The following RUNX1 variants were observed in gnomAD, a reference collection of about 807,000 sequenced individuals.
RUNX1 encodes runt-related transcription factor 1.
RUNX1 carries 19 observed loss-of-function variants against 42.8 expected under a neutral mutation model. The observed-to-expected ratio is 0.44, with a 90% confidence interval of 0.31 to 0.65. The LOEUF (loss-of-function observed/expected upper bound fraction) is 0.65, where lower values mean the gene tolerates loss of function less well. Among genes scored for constraint, RUNX1 ranks in the 30% least tolerant of loss-of-function variants. The pLI, the probability that RUNX1 is intolerant of heterozygous loss-of-function variation, is 0.07. For missense variants in RUNX1, 528 were observed against 672.0 expected, an observed-to-expected ratio of 0.79 and a Z score of 2.37; for synonymous variants, 271 against 289.4, an observed-to-expected ratio of 0.94 and a Z score of 0.64.
At chr21:34,845,058 C>T (rs2057296770) in intron 6 of RUNX1, among the ~76,000 whole-genome samples, 2 of 152,242 alleles carry the variant, frequency 1.3e-5, no homozygotes, top group African/African-American at 4.8e-5. Context: ...CTGTTGTCCA[C>T]GTGCCAGAAG....
At chr21:34,945,355 G>C (rs1265856954) in intron 2 of RUNX1, among the ~76,000 whole-genome samples, 1 of 152,176 alleles carries the variant, frequency 6.6e-6, no homozygotes, top group African/African-American at 2.4e-5. Context: ...TGCCCAATGA[G>C]TGGAACCCAC....
chr21:35,039,217 G>A lies in RUNX1; in HGVS notation c.58+9625C>T, dbSNP rs140518124. Among the ~76,000 whole-genome samples, 679 of 152,276 alleles carry A rather than the reference G, an allele frequency of 4.5e-3. 15 individuals are homozygous for A. Among genetic ancestry groups the A allele is most frequent in the Admixed American group, 0.034 (521 of 15,302 alleles). ...ATTAGGAGAAGTGTCTGCTAGTTAT[G>A]TGCATGCTTGAATGGAATCCACCTC... On this transcript the variant is annotated intron_variant, in intron 2 of 8. Transcript: ENST00000675419.
chr21:34,844,150 T>C (rs1340202868), intron 6 of RUNX1, among the ~76,000 whole-genome samples: 1 of 152,158 alleles, frequency 6.6e-6, no homozygotes, highest in African/African-American at 2.4e-5. Flanking sequence ...ATGGATTTGT[T>C]GATCAGAGTA....
At chr21:34,950,286 T>G (rs2058596950) in intron 2 of RUNX1, among the ~76,000 whole-genome samples, 1 of 152,200 alleles carries the variant, frequency 6.6e-6, no homozygotes, top group South Asian at 2.1e-4. Context: ...AATATTTTAT[T>G]TTTCAAATTA....
intron 2 of RUNX1, among the ~76,000 whole-genome samples, chr21:34,995,095 C>T (rs2058983450): frequency 6.6e-6 from 1 of 152,194 alleles, no homozygotes; most frequent in African/African-American, 2.4e-5. Flanking sequence ...GCAATGGATG[C>T]CAAGCAGGCT....
chr21:34,926,485 AGACAGCACATATTTATTATTGACT>A lies in RUNX1; in HGVS notation c.59-33546_59-33523del, dbSNP rs534371522. On this transcript the variant is annotated intron_variant, in intron 2 of 8. Transcript: ENST00000675419. ...TCAAAAAAAAAAAAAAAAAAAAAAA[AGACAGCACATATTTATTATTGACT>A]AAATCTGTCAGCATTTTGATCTACA... is the stretch of plus-strand genomic sequence containing the variant. 2.7e-3 allele frequency among the ~76,000 whole-genome samples: 339 copies of A among 124,568 alleles called. 103 individuals carry two copies. The highest frequency in any genetic ancestry group is 4.0e-3 in the Non-Finnish European group (230 of 57,042). 81.7% of individuals were successfully genotyped at this position (124,568 alleles called of 152,430 possible).
At chr21:35,002,414 ATTTATTT>A (rs2059052487) in intron 2 of RUNX1, among the ~76,000 whole-genome samples, 3 of 146,126 alleles carry the variant, frequency 2.1e-5, no homozygotes, top group Non-Finnish European at 4.5e-5. Flanking sequence ...TTATTTATTT[ATTTATTT>A]ATTTATTATT....
intron 6 of RUNX1, among the ~76,000 whole-genome samples, chr21:34,848,527 C>T (rs1159391896): frequency 2.0e-5 from 3 of 152,172 alleles, no homozygotes; most frequent in African/African-American, 4.8e-5. Flanking sequence ...CTCTGCCTCT[C>T]GAGTTCAAGT....
chr21:34,851,938 G>A (rs756347138), intron 6 of RUNX1, among the ~76,000 whole-genome samples: 12 of 152,162 alleles, frequency 7.9e-5, no homozygotes, highest in African/African-American at 1.2e-4. Flanking sequence ...AGGCCAAGGC[G>A]GGTGGATCAG....
At chr21:35,045,513 G>C (rs150812772) in intron 2 of RUNX1, among the ~76,000 whole-genome samples, 108 of 152,272 alleles carry the variant, frequency 7.1e-4, no homozygotes, top group African/African-American at 2.6e-3. Flanking sequence ...CTTATAAGAA[G>C]AGATTAGGAT....
chr21:34,869,140 T>G (rs1601491633), intron 5 of RUNX1, among the ~76,000 whole-genome samples: 3 of 152,246 alleles, frequency 2.0e-5, no homozygotes, highest in African/African-American at 7.2e-5. Context: ...TCCCAACTTT[T>G]CAAATTCAGC....
chr21:34,985,261 G>C (rs2058876598), intron 2 of RUNX1, among the ~76,000 whole-genome samples: 1 of 152,210 alleles, frequency 6.6e-6, no homozygotes. Context: ...AGGGATGACA[G>C]AGCAGGGAGT....
intron 2 of RUNX1, among the ~76,000 whole-genome samples, chr21:34,931,206 T>C (rs1005452385): frequency 6.6e-6 from 1 of 152,016 alleles, no homozygotes; most frequent in African/African-American, 2.4e-5. Flanking sequence ...CTAGAGGTGA[T>C]TCACTTCTTT....
rs79346426 is a variant in RUNX1, at chr21:34,852,271, C to T, written c.613+7203G>A. Among the ~76,000 whole-genome samples the T allele has an allele frequency of 2.9e-3, 445 of 152,262 alleles. 2 individuals carry two copies. Among genetic ancestry groups the T allele is most frequent in the African/African-American group, 8.4e-3 (350 of 41,536 alleles). On this transcript the variant is annotated intron_variant, in intron 6 of 8. Transcript: ENST00000675419. The stretch of plus-strand genomic sequence containing the variant: ...AAAGTTACCAAGAATACACAGGCCA[C>T]GCCAGCTCACTCAGAGCTGCACCAG...
At chr21:34,971,992 A>C (rs1487688167) in intron 2 of RUNX1, among the ~76,000 whole-genome samples, 1 of 152,340 alleles carries the variant, frequency 6.6e-6, no homozygotes, top group Non-Finnish European at 1.5e-5. Context: ...AGAGACCATA[A>C]TTTTAAAAAT....
chr21:34,955,651 CA>C (rs2058638871), intron 2 of RUNX1, among the ~76,000 whole-genome samples: 1 of 152,170 alleles, frequency 6.6e-6, no homozygotes, highest in South Asian at 2.1e-4. Context: ...GTCCTAACAG[CA>C]AAATCCCTTA....
chr21:35,034,541 C>T (rs946236726), intron 2 of RUNX1, among the ~76,000 whole-genome samples: 7 of 152,236 alleles, frequency 4.6e-5, no homozygotes, highest in Admixed American at 1.3e-4. Flanking sequence ...CTCCAAAAAA[C>T]ATTCCAGATT....
chr21:35,044,539 G>A (rs2059382858), intron 2 of RUNX1, among the ~76,000 whole-genome samples: 1 of 152,222 alleles, frequency 6.6e-6, no homozygotes, highest in African/African-American at 2.4e-5. Flanking sequence ...GCTCAAGAGA[G>A]AAGTTCTATA....
intron 8 of RUNX1, among the ~76,000 whole-genome samples, chr21:34,797,711 G>A (rs1292012142): frequency 2.0e-5 from 3 of 152,200 alleles, no homozygotes; most frequent in Non-Finnish European, 4.4e-5. Context: ...GGAGCAGAAT[G>A]TACCATGAAA....
Sources: allele counts gnomAD v4.1 joint callset (sites outside exome capture counted in the v4.1 genomes callset), GRCh38; gene constraint gnomAD v4.1.1; transcripts MANE v1.5; gene names NCBI Gene and HGNC (gene_info 2026-07-23, HGNC 2026-07-21).